Variants in ARL15 observed in about 807,000 individuals in gnomAD.
The protein encoded by ARL15 is ADP-ribosylation factor-like protein 15.
ARL15 carries 19 observed loss-of-function variants against 25.2 expected under a neutral mutation model. The ratio of observed to expected loss-of-function variants is 0.75; its 90% CI spans 0.53 to 1.10. ARL15 has a LOEUF of 1.10. ARL15 is among the 50% of genes least tolerant of loss of function. The pLI, the probability that ARL15 is intolerant of heterozygous loss-of-function variation, is 0.00. For missense variants in ARL15, 220 were observed against 246.0 expected, an observed-to-expected ratio of 0.89 and a Z score of 0.71; for synonymous variants, 94 against 86.8, an observed-to-expected ratio of 1.08 and a Z score of -0.46.
chr5:54,256,413 TAAAA>T (rs35505658), intron 1 of ARL15, among the ~76,000 whole-genome samples: 19 of 99,480 alleles, frequency 1.9e-4, no homozygotes, highest in African/African-American at 6.4e-4. Flanking sequence ...CGAATCAGTT[TAAAA>T]AAAAAAAAAA....
chr5:54,213,282 T>C (rs1756095218), intron 1 of ARL15, among the ~76,000 whole-genome samples: 1 of 152,212 alleles, frequency 6.6e-6, no homozygotes, highest in South Asian at 2.1e-4. Context: ...AATTATACTG[T>C]TTCTTACAAC....
intron 4 of ARL15, among the ~76,000 whole-genome samples, chr5:53,949,002 T>A (rs1170384333): frequency 6.6e-6 from 1 of 152,196 alleles, no homozygotes; most frequent in East Asian, 1.9e-4. Context: ...AGTTTTTCCT[T>A]AAGTTTAGAA....
intron 4 of ARL15, among the ~76,000 whole-genome samples, chr5:53,914,873 T>C (rs1745587743): frequency 6.6e-6 from 1 of 152,158 alleles, no homozygotes; most frequent in South Asian, 2.1e-4. Context: ...TGCAATGGCG[T>C]GATCTCAGCT....
At chr5:54,295,233 T>C (rs970237792) in intron 1 of ARL15, among the ~76,000 whole-genome samples, 5 of 152,206 alleles carry the variant, frequency 3.3e-5, no homozygotes, top group Admixed American at 1.3e-4. Context: ...TAAGTACACA[T>C]AATTATTTAT....
chr5:54,011,148 G>T (rs1749230067), intron 4 of ARL15, among the ~76,000 whole-genome samples: 1 of 152,130 alleles, frequency 6.6e-6, no homozygotes, highest in Non-Finnish European at 1.5e-5. Flanking sequence ...TCAAGGTTAA[G>T]TCTCTAGAGT....
At chr5:54,065,716 C>CA (rs58751958) in intron 4 of ARL15, among the ~76,000 whole-genome samples, 2 of 151,858 alleles carry the variant, frequency 1.3e-5, no homozygotes, top group Non-Finnish European at 2.9e-5. Context: ...ACAACAACTA[C>CA]AAAAAACAAA....
intron 3 of ARL15, among the ~76,000 whole-genome samples, chr5:54,122,804 C>T (rs1007004634): frequency 6.6e-6 from 1 of 152,144 alleles, no homozygotes; most frequent in African/African-American, 2.4e-5. Context: ...TTATAACCCA[C>T]TTTTTCAGCC....
intron 4 of ARL15, chr5:54,067,290 CATT>C (rs1049091770): frequency 5.2e-5 from 8 of 152,394 alleles, no homozygotes; most frequent in African/African-American, 1.7e-4. Context: ...GTATCTGCAT[CATT>C]ATGATAAAAA....
intron 1 of ARL15, among the ~76,000 whole-genome samples, chr5:54,223,185 G>T: frequency 6.6e-6 from 1 of 151,292 alleles, no homozygotes; most frequent in African/African-American, 2.4e-5. Context: ...CTCCTTTCAT[G>T]AGAACACTAA....
intron 4 of ARL15, among the ~76,000 whole-genome samples, chr5:53,965,283 A>C (rs747150331): frequency 1.3e-5 from 2 of 152,148 alleles, no homozygotes; most frequent in African/African-American, 2.4e-5. Flanking sequence ...AATAGGACAA[A>C]ATTTATTCAT....
chr5:54,077,096 G>A (rs1025370649), intron 4 of ARL15, among the ~76,000 whole-genome samples: 4 of 152,138 alleles, frequency 2.6e-5, no homozygotes, highest in Non-Finnish European at 4.4e-5. Context: ...TAAGAGTACC[G>A]TTAAATTTTT....
intron 4 of ARL15, among the ~76,000 whole-genome samples, chr5:54,041,267 A>G (rs1223141108): frequency 6.6e-6 from 1 of 152,218 alleles, no homozygotes; most frequent in Non-Finnish European, 1.5e-5. Context: ...CAAAGAATGC[A>G]AAATCCTAGG....
At chr5:54,021,619 C>A (rs1243790298) in intron 4 of ARL15, among the ~76,000 whole-genome samples, 2 of 152,112 alleles carry the variant, frequency 1.3e-5, no homozygotes, top group Admixed American at 6.5e-5. Context: ...TGAACAGAGC[C>A]TCAGGAACCT....
chr5:53,902,234 G>A (rs1174865031), intron 4 of ARL15, among the ~76,000 whole-genome samples: 1 of 152,190 alleles, frequency 6.6e-6, no homozygotes, highest in Non-Finnish European at 1.5e-5. Flanking sequence ...TCAAACGATT[G>A]CTACCTGATC....
At chr5:53,927,364 C>T (rs1293262932) in intron 4 of ARL15, among the ~76,000 whole-genome samples, 1 of 152,200 alleles carries the variant, frequency 6.6e-6, no homozygotes, top group Non-Finnish European at 1.5e-5. Flanking sequence ...GACAGAGACA[C>T]ACACACAGAC....
At chr5:54,233,034 G>C (rs1283524741) in intron 1 of ARL15, among the ~76,000 whole-genome samples, 1 of 152,196 alleles carries the variant, frequency 6.6e-6, no homozygotes, top group African/African-American at 2.4e-5. Context: ...GAGAGTGAGT[G>C]AGTGAAACTG....
chr5:53,973,303 G>T (rs145764892), intron 4 of ARL15, among the ~76,000 whole-genome samples: 2 of 152,156 alleles, frequency 1.3e-5, no homozygotes, highest in African/African-American at 4.8e-5. Flanking sequence ...GCCGGGCATG[G>T]TGGCTCACGC....
intron 2 of ARL15, among the ~76,000 whole-genome samples, chr5:54,161,588 T>C (rs1488330589): frequency 6.6e-6 from 1 of 152,208 alleles, no homozygotes; most frequent in Non-Finnish European, 1.5e-5. Context: ...TTGTTTGCCA[T>C]TTATTCTTTT....
chr5:53,917,366 T>A (rs1411799495), intron 4 of ARL15, among the ~76,000 whole-genome samples: 1 of 152,160 alleles, frequency 6.6e-6, no homozygotes, highest in Non-Finnish European at 1.5e-5. Context: ...GGGCCCCTAG[T>A]GGAGATAAGA....
Sources: allele counts gnomAD v4.1 joint callset (sites outside exome capture counted in the v4.1 genomes callset), GRCh38; gene constraint gnomAD v4.1.1; transcripts MANE v1.5; gene names NCBI Gene and HGNC (gene_info 2026-07-23, HGNC 2026-07-21).